KLHL1: variants seen among roughly 807,000 people sequenced by gnomAD.
KLHL1 encodes the protein kelch like family member 1.
KLHL1 carries 47 observed loss-of-function variants against 77.7 expected under a neutral mutation model. The ratio of observed to expected loss-of-function variants is 0.60; its 90% CI spans 0.48 to 0.77. The LOEUF (loss-of-function observed/expected upper bound fraction) is 0.77, where lower values mean the gene tolerates loss of function less well. KLHL1 is among the 30% of genes least tolerant of loss of function. The pLI is 0.00. For missense variants in KLHL1, 925 were observed against 910.8 expected (o/e 1.02, Z -0.20); for synonymous variants, 360 against 325.2 (o/e 1.11, Z -1.15).
At chr13:69,812,560 T>C (rs1465686882) in intron 6 of KLHL1, among the ~76,000 whole-genome samples, 1 of 152,084 alleles carries the variant, frequency 6.6e-6, no homozygotes, top group East Asian at 1.9e-4. Context: ...GAGAAAATGT[T>C]TGCAATCTAC....
At chr13:69,702,906 A>G (rs951203123) in intron 10 of KLHL1, among the ~76,000 whole-genome samples, 1 of 151,754 alleles carries the variant, frequency 6.6e-6, no homozygotes, top group Non-Finnish European at 1.5e-5. Flanking sequence ...TCGTAATCAC[A>G]TCTTGTACTG....
intron 1 of KLHL1, among the ~76,000 whole-genome samples, chr13:70,049,422 G>T (rs922926089): frequency 6.6e-6 from 1 of 152,074 alleles, no homozygotes; most frequent in Non-Finnish European, 1.5e-5. Context: ...CTTCTCACAT[G>T]TGCTACCTGA....
chr13:69,784,413 T>C (rs965617661), intron 7 of KLHL1, among the ~76,000 whole-genome samples: 9 of 152,076 alleles, frequency 5.9e-5, no homozygotes, highest in Non-Finnish European at 1.0e-4. Context: ...AGTCAAGACC[T>C]ATCAGTGTGC....
intron 1 of KLHL1, among the ~76,000 whole-genome samples, chr13:69,986,576 C>A (rs182815681): frequency 4.1e-4 from 62 of 152,032 alleles, no homozygotes; most frequent in Non-Finnish European, 7.2e-4. Context: ...GAAAACTATG[C>A]GAATTACATT....
intron 8 of KLHL1, among the ~76,000 whole-genome samples, chr13:69,722,699 T>C (rs1873120896): frequency 6.6e-6 from 1 of 152,182 alleles, no homozygotes; most frequent in South Asian, 2.1e-4. Context: ...ACATTGTTTA[T>C]GGCAATGTAA....
At chr13:69,764,909 T>C (rs1875202100) in intron 7 of KLHL1, among the ~76,000 whole-genome samples, 1 of 149,512 alleles carries the variant, frequency 6.7e-6, no homozygotes, top group Non-Finnish European at 1.5e-5. Flanking sequence ...CCTTTTCTCA[T>C]GCTTTCATGT....
chr13:69,725,660 G>A (rs1025947305), intron 8 of KLHL1, among the ~76,000 whole-genome samples: 1 of 152,160 alleles, frequency 6.6e-6, no homozygotes, highest in South Asian at 2.1e-4. Flanking sequence ...ATAGTAGCAA[G>A]TGTCAAGAGG....
chr13:69,983,062 A>G (rs1884759001), intron 1 of KLHL1, among the ~76,000 whole-genome samples: 1 of 152,184 alleles, frequency 6.6e-6, no homozygotes, highest in Non-Finnish European at 1.5e-5. Flanking sequence ...CTACCTCAAC[A>G]GCAAACTATC....
chr13:69,926,877 G>A (rs1464452322), intron 4 of KLHL1, among the ~76,000 whole-genome samples: 1 of 140,128 alleles, frequency 7.1e-6, no homozygotes, highest in Non-Finnish European at 1.5e-5. Context: ...AACCTGGGAG[G>A]CAGAGCTTGC....
At chr13:69,848,510 A>G (rs777869670) in intron 5 of KLHL1, among the ~76,000 whole-genome samples, 1 of 151,554 alleles carries the variant, frequency 6.6e-6, no homozygotes, top group Non-Finnish European at 1.5e-5. Context: ...GTATTTCCCA[A>G]TCCATCCTAC....
intron 10 of KLHL1, among the ~76,000 whole-genome samples, chr13:69,702,278 T>G (rs1319113541): frequency 6.6e-6 from 1 of 151,744 alleles, no homozygotes; most frequent in African/African-American, 2.4e-5. Flanking sequence ...AATTGCTATA[T>G]GCTTATTAAA....
At chr13:70,082,596 A>C (rs1355470144) in intron 1 of KLHL1, among the ~76,000 whole-genome samples, 2 of 152,198 alleles carry the variant, frequency 1.3e-5, no homozygotes, top group East Asian at 3.9e-4. Context: ...ATAGCCAGTT[A>C]AACTATTTTT....
chr13:69,750,317 CAGAT>C (rs1874416316), intron 7 of KLHL1, among the ~76,000 whole-genome samples: 1 of 151,662 alleles, frequency 6.6e-6, no homozygotes, highest in African/African-American at 2.4e-5. Context: ...CCAATGCTCT[CAGAT>C]AGTTTTACTT....
chr13:69,981,474 C>G (rs1049808564), intron 1 of KLHL1, among the ~76,000 whole-genome samples: 5 of 151,714 alleles, frequency 3.3e-5, no homozygotes, highest in Admixed American at 1.3e-4. Context: ...AGAAATCACT[C>G]TTACATACAT....
intron 8 of KLHL1, among the ~76,000 whole-genome samples, chr13:69,727,889 G>A (rs1429637087): frequency 6.7e-6 from 1 of 150,078 alleles, no homozygotes; most frequent in East Asian, 2.0e-4. Context: ...TTTTACCTCA[G>A]CCAAGTTACT....
intron 4 of KLHL1, among the ~76,000 whole-genome samples, chr13:69,935,556 G>T (rs73510149): frequency 0.04 from 6,011 of 152,172 alleles, 258 homozygotes; most frequent in African/African-American, 0.1. Flanking sequence ...TTCAGAGAAT[G>T]AGTCTCTGTA....
chr13:69,881,076 T>C (rs529291859), intron 5 of KLHL1, among the ~76,000 whole-genome samples: 15 of 152,184 alleles, frequency 9.9e-5, no homozygotes, highest in Non-Finnish European at 1.6e-4. Flanking sequence ...TGTCTAGGTA[T>C]GTAAATGCAT....
chr13:69,840,097 T>G (rs538847393), intron 5 of KLHL1, among the ~76,000 whole-genome samples: 1 of 151,844 alleles, frequency 6.6e-6, no homozygotes, highest in Admixed American at 6.6e-5. Context: ...ATTGAATGAA[T>G]AAAAATGGCA....
At chr13:70,036,133 A>G (rs908417154) in intron 1 of KLHL1, among the ~76,000 whole-genome samples, 16 of 151,970 alleles carry the variant, frequency 1.1e-4, no homozygotes, top group African/African-American at 3.6e-4. Flanking sequence ...ATTTTACTTG[A>G]GAATAAATGA....
Sources: allele counts gnomAD v4.1 joint callset (sites outside exome capture counted in the v4.1 genomes callset), GRCh38; gene constraint gnomAD v4.1.1; transcripts MANE v1.5; gene names NCBI Gene and HGNC (gene_info 2026-07-23, HGNC 2026-07-21).